The following NPHS1 variants were observed in gnomAD, a reference collection of about 807,000 sequenced individuals.
NPHS1 encodes the protein nephrin.
A neutral mutation model predicts 139.7 loss-of-function variants in NPHS1; 107 were observed. The ratio of observed to expected loss-of-function variants is 0.77; its 90% CI spans 0.66 to 0.90. The LOEUF is 0.90. NPHS1 is among the 40% of genes least tolerant of loss of function. The pLI is 0.00. For synonymous variants in NPHS1, 707 were observed against 706.6 expected (o/e 1.00, Z -0.01); for missense variants, 1,580 against 1,654.2 (o/e 0.96, Z 0.78).
intron 23 of NPHS1, among the ~76,000 whole-genome samples, chr19:35,835,218 A>G (rs1972940844): frequency 6.7e-6 from 1 of 149,788 alleles, no homozygotes; most frequent in East Asian, 1.9e-4. Context: ...AAAAAAAAAA[A>G]AGAAAGAAAG....
Position 35,851,637 on chromosome 19 carries a change from G to A in NPHS1, c.94C>T (p.Arg32Trp), listed in dbSNP as rs148104086. Residue 32 changes from arginine to tryptophan, a missense_variant, in exon 2 of 29, where the codon CGG becomes TGG. Transcript: ENST00000378910. ...TTTTCAGGCAGGGCCCAGAAGCCCC[G>A]GGGAACGGAGGCAGGAATCGCCAAC... ...AQLAIPASVPRGFWALPENLT... is the reference protein window; with the variant it reads ...AQLAIPASVPWGFWALPENLT... The A allele has an allele frequency of 2.1e-5, 34 of 1,613,770 alleles. 1 individual carries two copies. Among genetic ancestry groups the A allele is most frequent in the East Asian group, 2.2e-5 (1 of 44,874 alleles).
At chr19:35,846,737 G>A (rs933452952) in intron 11 of NPHS1, among the ~76,000 whole-genome samples, 1 of 152,116 alleles carries the variant, frequency 6.6e-6, no homozygotes, top group Admixed American at 6.5e-5. Context: ...AATCTTTCCC[G>A]ATATTATAAT....
chr19:35,848,383 A>G lies in NPHS1; in HGVS notation c.1185T>C (p.Gly395=), dbSNP rs149815919. Residue 395 remains glycine (G), a synonymous_variant, in exon 10 of 29, where the codon GGT becomes GGC. Transcript: ENST00000378910. ...EETVMDGLHG[G]HISMSNLTFL... is the part of the protein sequence containing the mutation. The stretch of plus-strand genomic sequence containing the variant: ...ATGTCAGGTTGGACATGGAGATGTG[A>G]CCGCCATGCAGTCCCTGGCAGGGAG... 148 of 1,614,064 alleles carry G rather than the reference A, an allele frequency of 9.2e-5. No individual in the cohort carries two copies. The highest frequency in any genetic ancestry group is 1.2e-4 in the Non-Finnish European group (143 of 1,179,996).
chr19:35,849,424 C>T (rs797018863), intron 6 of NPHS1, 61 bp from the exon 7 acceptor site: 3 of 1,600,562 alleles, frequency 1.9e-6, no homozygotes, highest in South Asian at 2.2e-5. Context: ...CCAGGCCCCA[C>T]AACCTGCCTT....
chr19:35,844,970 A>T lies in NPHS1; in HGVS notation c.1930+398T>A, dbSNP rs374944400. Among the ~76,000 whole-genome samples the T allele has an allele frequency of 2.2e-4, 34 of 152,202 alleles. No individual in the cohort carries two copies. The South Asian group carries it at 4.4e-3, about 19-fold the overall frequency. ...AGTAATGCCATCTCTATTTAAAATT[A>T]AAAGTACAAAAAATCAGCCTAGCAT... On this transcript the variant is annotated intron_variant, in intron 14 of 28. Coordinates refer to ENST00000378910, the MANE Select transcript of NPHS1 (RefSeq NM_004646.4).
At position 35,826,385 on chromosome 19, in the gene NPHS1, T is replaced by A; in HGVS notation, c.*129A>T. On this transcript the variant is annotated 3_prime_UTR_variant, in exon 29 of 29. Coordinates refer to ENST00000378910, the MANE Select transcript of NPHS1 (RefSeq NM_004646.4). ...TCTCTGTCACTCAGCCCCCTCCATG[T>A]CCTCTCCTGACACCAAGTCCCTTTG... The A allele has an allele frequency of 9.4e-7, 1 of 1,061,878 alleles. No individual in the cohort carries two copies. Among genetic ancestry groups the A allele is most frequent in the South Asian group, 1.3e-5 (1 of 75,186 alleles). 65.8% of individuals were successfully genotyped at this position (1,061,878 alleles called of 1,614,324 possible).
At chr19:35,835,625 C>T (rs1972946613) in intron 23 of NPHS1, 80 bp downstream of exon 23, 4 of 1,272,446 alleles carry the variant, frequency 3.1e-6, no homozygotes, top group Non-Finnish European at 3.4e-6. Flanking sequence ...GCTGTGACTA[C>T]AAGCAGAGGA....
At chr19:35,832,545 G>GAA (rs3216453) in intron 23 of NPHS1, among the ~76,000 whole-genome samples, 9 of 149,976 alleles carry the variant, frequency 6.0e-5, no homozygotes, top group African/African-American at 9.8e-5. Context: ...CCCTGCCTCT[G>GAA]AAAAAAAAAT....
chr19:35,837,977 C>G (rs1020592927), intron 22 of NPHS1, among the ~76,000 whole-genome samples: 51 of 146,828 alleles, frequency 3.5e-4, no homozygotes, highest in Non-Finnish European at 6.5e-4. Flanking sequence ...CTAGTCCAGT[C>G]GTGGTGGCTC....
At position 35,830,114 on chromosome 19, in the gene NPHS1, T is replaced by G. The variant is rs1356775924; in HGVS notation, c.3594+730A>C. On this transcript the variant is annotated intron_variant, in intron 28 of 28. Transcript: ENST00000378910. ...AGATATGGCTAATTATCTTTAAAAA[T>G]TCATGTCTACTTCCTTCCACAGTAG... 5.9e-5 allele frequency among the ~76,000 whole-genome samples: 9 copies of G among 152,240 alleles called. 1 individual carries two copies.
At chr19:35,828,051 G>T (rs16970674) in intron 28 of NPHS1, among the ~76,000 whole-genome samples, 24 of 152,082 alleles carry the variant, frequency 1.6e-4, no homozygotes, top group Admixed American at 1.4e-3. Flanking sequence ...AATCATAATA[G>T]AAAAACAAAA....
intron 16 of NPHS1, 112 bp from the exon 17 acceptor site, chr19:35,843,705 G>A: frequency 7.3e-7 from 1 of 1,370,666 alleles, no homozygotes; most frequent in Non-Finnish European, 1.0e-6. Flanking sequence ...TATGGGTGTG[G>A]ACACAATCTG....
chr19:35,839,447 G>A, intron 21 of NPHS1, 29 bp from the exon 22 acceptor site: 1 of 1,613,852 alleles, frequency 6.2e-7, no homozygotes, highest in Non-Finnish European at 8.5e-7. Context: ...GTAAATTCAG[G>A]GAAGTGCCCT....
rs749041142 is a variant in NPHS1 at position 35,845,625 on chromosome 19, G to A, written c.1757+44C>T. On this transcript the variant is annotated intron_variant, in intron 13 of 28. Transcript: ENST00000378910. The surrounding 1 kb of genome is among the most constrained non-coding windows in gnomAD (Gnocchi z 5.5). ...GCGGGGGCGGGACATGCGTGGAGGG[G>A]GCGAGGCCAGACCAGAGAGGGGAGG... is the stretch of plus-strand genomic sequence containing the variant. 6.8e-6 allele frequency: 11 copies of A among 1,609,244 alleles called. No homozygotes were observed. The highest frequency in any genetic ancestry group is 3.4e-6 in the Non-Finnish European group (4 of 1,177,674).
chr19:35,844,206 A>T lies in NPHS1; in HGVS notation c.2109T>A (p.Ala703=), dbSNP rs1292318590. 1.9e-6 allele frequency: 3 copies of T among 1,612,696 alleles called. No homozygotes were observed. Residue 703 remains alanine, a synonymous_variant, in exon 16 of 29, where the codon GCT becomes GCA. Coordinates refer to ENST00000378910, the MANE Select transcript of NPHS1 (RefSeq NM_004646.4). ...GPRHRILSSG[A]LHLWNVTRAD... is the part of the protein sequence containing the mutation. ...CGCGGGTCACATTCCACAGATGCAG[A>T]GCCCCGCTGGACAGGATGCGATGCC...
At chr19:35,828,680 G>C (rs1972832407) in intron 28 of NPHS1, among the ~76,000 whole-genome samples, 1 of 152,206 alleles carries the variant, frequency 6.6e-6, no homozygotes, top group Non-Finnish European at 1.5e-5. Context: ...TAGGAACATA[G>C]CCACACTCAT....
rs1476925013 is a variant in NPHS1 at position 35,851,810 on chromosome 19, A to G, written c.28T>C (p.Ser10Pro). MALGTTLRA[S>P]LLLLGLLTEG... ...GTCAGCAGCCCCAGGAGCAGGAGAG[A>G]AGCCCTGAGCGTCGTCCCCAGGGCC... Residue 10 changes from serine to proline, a missense_variant, in exon 1 of 29, where the codon TCT (serine) becomes CCT (proline). Ser to Pro is a moderately conservative substitution (Grantham distance 74, BLOSUM62 -1). Coordinates refer to ENST00000378910, the MANE Select transcript of NPHS1 (RefSeq NM_004646.4). The G allele has an allele frequency of 6.4e-7, 1 of 1,552,850 alleles. No individual in the cohort carries two copies. Among genetic ancestry groups the G allele is most frequent in the Non-Finnish European group, 8.7e-7 (1 of 1,147,760 alleles).
chr19:35,842,674 A>C, intron 17 of NPHS1, 124 bp from the exon 18 acceptor site: 3 of 963,288 alleles, frequency 3.1e-6, no homozygotes, highest in Non-Finnish European at 4.8e-6. Flanking sequence ...TATTGAAGAA[A>C]AAAAAATTCT....
chr19:35,849,107 G>T lies in NPHS1; in HGVS notation c.881C>A (p.Thr294Asn). The T allele has an allele frequency of 2.5e-6, 4 of 1,609,588 alleles. No individual in the cohort carries two copies. Among genetic ancestry groups the T allele is most frequent in the Non-Finnish European group, 3.4e-6 (4 of 1,180,000 alleles). Residue 294 changes from threonine (T) to asparagine (N), a missense_variant, in exon 8 of 29, where the codon ACC (threonine) becomes AAC (asparagine). Physicochemically the swap from Thr to Asn is moderately conservative, Grantham distance 65. Transcript: ENST00000378910. The part of the protein sequence containing the change: ...PVSTAWGTEH[T>N]QAVARSVLVM... ...CAGCACACTGCGGGCCACCGCCTGG[G>T]TGTGCTCTGTGCCCCACGCTGTGGA... is the stretch of plus-strand genomic sequence containing the variant.
Sources: gnomAD v4.1 joint callset for allele counts (sites outside exome capture counted in the v4.1 genomes callset) on GRCh38, gnomAD v4.1.1 for gene constraint, Gnocchi (gnomAD v3.1) non-coding constraint, MANE v1.5 for transcripts, NCBI Gene and HGNC (gene_info 2026-07-23, HGNC 2026-07-21) for gene names.